The following TGIF1 variants were observed in gnomAD, a reference collection of about 807,000 sequenced individuals.
The protein encoded by TGIF1 is TGFB induced factor homeobox 1, also known as homeobox protein TGIF1.
In TGIF1, 4 loss-of-function variants were observed where a neutral mutation model predicts 19.3. The ratio of observed to expected loss-of-function variants is 0.21; its 90% CI spans 0.10 to 0.47. The LOEUF (loss-of-function observed/expected upper bound fraction) is 0.47, where lower values mean the gene tolerates loss of function less well. Ranked by LOEUF, TGIF1 falls within the 20% of genes least tolerant of loss-of-function variation. The pLI, the probability that TGIF1 is intolerant of heterozygous loss-of-function variation, is 0.98. For synonymous variants in TGIF1, 122 were observed against 129.3 expected, an observed-to-expected ratio of 0.94 and a Z score of 0.38; for missense variants, 275 against 341.4, an observed-to-expected ratio of 0.81 and a Z score of 1.53.
At chr18:3,439,370 C>T (rs1427583434) in intron 2 of TGIF1, among the ~76,000 whole-genome samples, 17 of 149,378 alleles carry the variant, frequency 1.1e-4, no homozygotes, top group Non-Finnish European at 1.9e-4. Flanking sequence ...TTTTTTGAGA[C>T]GGAGTCTTGC....
chr18:3,433,655 G>C (rs978177824), intron 2 of TGIF1, among the ~76,000 whole-genome samples: 1 of 152,194 alleles, frequency 6.6e-6, no homozygotes, highest in Non-Finnish European at 1.5e-5. Flanking sequence ...CGATGACTTA[G>C]TGTTTAATGG....
At position 3,452,033 on chromosome 18, in the gene TGIF1, G is replaced by A. The variant is rs144435321; in HGVS notation, c.16+1528G>A. On this transcript the variant is annotated intron_variant, in intron 1 of 2. Coordinates refer to ENST00000343820, the MANE Select transcript of TGIF1 (RefSeq NM_003244.4). ...CCGGGGTGGGCTCCCCGCATTGTTC[G>A]GGCTCCGGCGGGGGCGGCTCTGATT... is the stretch of plus-strand genomic sequence containing the variant. 6.2e-3 allele frequency: 10,070 copies of A among 1,611,928 alleles called. 41 individuals carry two copies. The highest frequency in any genetic ancestry group is 7.2e-3 in the Non-Finnish European group (8,535 of 1,178,832).
exon 1 of TGIF1, chr18:3,412,030 G>C (rs1046135241): frequency 6.2e-6 from 1 of 162,496 alleles, no homozygotes; most frequent in Non-Finnish European, 1.4e-5. Flanking sequence ...CTGTTACAAG[G>C]GGGAAAGACA....
chr18:3,445,875 T>G (rs144553659), upstream of TGIF1, among the ~76,000 whole-genome samples: 15 of 144,674 alleles, frequency 1.0e-4, no homozygotes, highest in Admixed American at 2.8e-4. Flanking sequence ...GGCCCTGGCG[T>G]CCCTGGCATA....
upstream of TGIF1, chr18:3,448,376 G>C (rs980843352): frequency 9.9e-7 from 1 of 1,008,080 alleles, no homozygotes. Flanking sequence ...AACGGGCGGC[G>C]GGGGCGCTGG....
At chr18:3,416,975 T>C (rs115189393) in intron 1 of TGIF1, among the ~76,000 whole-genome samples, 1,789 of 152,158 alleles carry the variant, frequency 0.012, 38 homozygotes, top group African/African-American at 0.039. Flanking sequence ...TAAAATCAAA[T>C]AAAATTTGAT....
Position 3,413,221 on chromosome 18 carries a change from A to T in TGIF1, c.-118+967A>T, listed in dbSNP as rs552317745. On this transcript the variant is annotated intron_variant, in intron 1 of 3. Transcript: ENST00000401449. ...AGAGTAAAAAAGAATGAGGATTTTT[A>T]AAAAATTAAATTCACGGAACTGTTT... Among the ~76,000 whole-genome samples, 590 of 152,344 alleles carry T rather than the reference A, an allele frequency of 3.9e-3. 5 individuals are homozygous for T. Among genetic ancestry groups the T allele is most frequent in the Non-Finnish European group, 3.6e-3 (248 of 68,028 alleles).
intron 2 of TGIF1, among the ~76,000 whole-genome samples, chr18:3,437,820 A>C (rs1192189572): frequency 1.3e-5 from 2 of 152,246 alleles, no homozygotes; most frequent in Admixed American, 1.3e-4. Flanking sequence ...ACGGTGGCTC[A>C]TGCCTGTAAT....
upstream of TGIF1, chr18:3,449,540 C>A: frequency 1.7e-6 from 1 of 592,890 alleles, no homozygotes; most frequent in Non-Finnish European, 2.1e-6. Context: ...CTCATCATTC[C>A]CCCCCGCCCC....
intron 2 of TGIF1, among the ~76,000 whole-genome samples, chr18:3,422,147 T>G (rs1568029135): frequency 7.1e-6 from 1 of 141,188 alleles, no homozygotes; most frequent in Non-Finnish European, 1.5e-5. Context: ...TGAGCAGAGA[T>G]GGCGCCACTG....
rs2049377956 is a variant in TGIF1, at chr18:3,457,029, A to G, written c.244-336A>G. ...AACTTAAATGTTGGGGCAGTAGGTG[A>G]TAGGTTAAAATGGGGAGAGTTAAAA... On this transcript the variant is annotated intron_variant, in intron 2 of 2. Transcript: ENST00000343820. This position sits in a 1 kb window ranked among gnomAD's most constrained non-coding sequence, Gnocchi z 4.9. 9.0e-6 allele frequency: 5 copies of G among 553,708 alleles called. No homozygotes were observed. The highest frequency in any genetic ancestry group is 6.7e-5 in the South Asian group (3 of 44,964). 34.3% of individuals were successfully genotyped at this position (553,708 alleles called of 1,614,324 possible).
Position 3,456,578 on chromosome 18 carries a change from C to G in TGIF1, c.241C>G (p.Gln81Glu). 1.2e-6 allele frequency: 2 copies of G among 1,613,948 alleles called. No individual in the cohort carries two copies. Among genetic ancestry groups the G allele is most frequent in the Non-Finnish European group, 1.7e-6 (2 of 1,179,832 alleles). Residue 81 changes from glutamine to glutamate, a missense_variant and splice_region_variant, in exon 2 of 3, where the codon CAG (glutamine) becomes GAG (glutamate). By Grantham distance (29) the Gln-to-Glu change is conservative. Coordinates refer to ENST00000343820, the MANE Select transcript of TGIF1 (RefSeq NM_003244.4). This position sits in a 1 kb window ranked among gnomAD's most constrained non-coding sequence, Gnocchi z 4.2. The part of the protein sequence containing the change: ...LSQQTHLSTL[Q>E]VCNWFINARR... ...CCAGCAAACACACCTGTCTACGCTA[C>G]AGGTAAAGAAAGAGAGCGTGAGGTT...
chr18:3,427,187 A>C (rs949632603), intron 2 of TGIF1, among the ~76,000 whole-genome samples: 1 of 151,120 alleles, frequency 6.6e-6, no homozygotes, highest in Non-Finnish European at 1.5e-5. Context: ...CAGGCAATCC[A>C]CCCGCCTCGG....
chr18:3,454,929 G>A (rs1231797293), intron 1 of TGIF1, among the ~76,000 whole-genome samples: 1 of 152,100 alleles, frequency 6.6e-6, no homozygotes, highest in African/African-American at 2.4e-5. Flanking sequence ...TCATTAAAAG[G>A]GTGGGAAAAA....
At chr18:3,453,837 A>G (rs1049343136) in intron 1 of TGIF1, 1 of 984,932 alleles carries the variant, frequency 1.0e-6, no homozygotes, top group African/African-American at 1.8e-5. Context: ...CACCCTCCCC[A>G]CCGCCACATT....
At chr18:3,447,980 G>T, upstream of TGIF1, 1 of 924,594 alleles carries the variant, frequency 1.1e-6, no homozygotes, top group Non-Finnish European at 1.3e-6. Context: ...CGAAAGCAAA[G>T]CTACCTTTGT....
At chr18:3,452,147 T>G in intron 1 of TGIF1, 2 of 1,613,776 alleles carry the variant, frequency 1.2e-6, no homozygotes, top group East Asian at 2.2e-5. Flanking sequence ...CCCGCGGCAC[T>G]TTGGCCTACC....
chr18:3,449,288 G>C (rs238134), upstream of TGIF1: 166,605 of 561,084 alleles, frequency 0.3, 29,450 homozygotes, highest in African/African-American at 0.68. Flanking sequence ...AGACGAGCAG[G>C]CACGGCGTGG....
At chr18:3,455,927 C>T (rs1405532688) in intron 1 of TGIF1, 3 of 263,134 alleles carry the variant, frequency 1.1e-5, no homozygotes, top group East Asian at 9.2e-5. Flanking sequence ...TACATTAGGA[C>T]TGGTTAGGTT....
Sources: gnomAD v4.1 joint callset for allele counts (sites outside exome capture counted in the v4.1 genomes callset) on GRCh38, gnomAD v4.1.1 for gene constraint, Gnocchi (gnomAD v3.1) non-coding constraint, MANE v1.5 for transcripts, NCBI Gene and HGNC (gene_info 2026-07-23, HGNC 2026-07-21) for gene names.